Variants in MEI4 observed in about 807,000 individuals in gnomAD.
The protein encoded by MEI4 is meiotic double-stranded break formation protein 4, also known as meiosis-specific protein MEI4.
MEI4 carries 27 observed loss-of-function variants against 31.4 expected under a neutral mutation model. The ratio of observed to expected loss-of-function variants is 0.86; its 90% CI spans 0.63 to 1.19. The LOEUF (loss-of-function observed/expected upper bound fraction) is 1.19, where lower values mean the gene tolerates loss of function less well. Ranked by LOEUF, MEI4 falls within the 50% of genes most tolerant of loss-of-function variation. MEI4 has a pLI of 0.00. For missense variants in MEI4, 329 were observed against 398.9 expected (o/e 0.82, Z 1.49); for synonymous variants, 122 against 145.4 (o/e 0.84, Z 1.16).
At chr6:77,805,441 T>A (rs1167082747) in intron 3 of MEI4, among the ~76,000 whole-genome samples, 4 of 152,154 alleles carry the variant, frequency 2.6e-5, no homozygotes, top group Admixed American at 2.6e-4. Context: ...AAAAATCTTT[T>A]ATGTAAGATC....
At chr6:77,817,560 ATAAT>A (rs1341555330) in intron 3 of MEI4, among the ~76,000 whole-genome samples, 1 of 152,138 alleles carries the variant, frequency 6.6e-6, no homozygotes, top group Non-Finnish European at 1.5e-5. Context: ...CCACAAAGTG[ATAAT>A]TAATTTAGCC....
chr6:77,664,488 A>G (rs1178210928), intron 1 of MEI4, among the ~76,000 whole-genome samples: 1 of 152,192 alleles, frequency 6.6e-6, no homozygotes, highest in Non-Finnish European at 1.5e-5. Flanking sequence ...GGGGAGGGCT[A>G]GTCACGGAAC....
At chr6:77,753,741 C>T (rs766271550) in intron 2 of MEI4, among the ~76,000 whole-genome samples, 61 of 152,082 alleles carry the variant, frequency 4.0e-4, no homozygotes, top group Non-Finnish European at 7.5e-4. Context: ...CCCAGAAATC[C>T]CATTACTGAG....
intron 1 of MEI4, among the ~76,000 whole-genome samples, chr6:77,669,763 A>G (rs1339707442): frequency 1.3e-5 from 2 of 152,202 alleles, no homozygotes; most frequent in African/African-American, 2.4e-5. Flanking sequence ...GAATTATCTC[A>G]TTTAATCCTG....
intron 3 of MEI4, among the ~76,000 whole-genome samples, chr6:77,807,728 A>G (rs199575388): frequency 6.6e-6 from 1 of 152,158 alleles, no homozygotes; most frequent in East Asian, 1.9e-4. Context: ...GTTTTCCAAA[A>G]TGCACATGCC....
intron 4 of MEI4, among the ~76,000 whole-genome samples, chr6:77,917,827 C>T (rs1243638331): frequency 2.0e-5 from 3 of 149,924 alleles, no homozygotes; most frequent in Non-Finnish European, 4.4e-5. Context: ...GTGTTTTGGA[C>T]ATGAAGTCGT....
At chr6:77,803,223 C>G (rs1009791094) in intron 3 of MEI4, among the ~76,000 whole-genome samples, 5 of 152,154 alleles carry the variant, frequency 3.3e-5, no homozygotes, top group South Asian at 2.1e-4. Context: ...TCATTCATTT[C>G]ATCTTCCATC....
chr6:77,748,164 C>T (rs1249656968), intron 2 of MEI4, among the ~76,000 whole-genome samples: 1 of 152,202 alleles, frequency 6.6e-6, no homozygotes. Flanking sequence ...GCCCTCTTCT[C>T]TCAGCTTCAC....
At chr6:77,817,048 T>C (rs948812436) in intron 3 of MEI4, among the ~76,000 whole-genome samples, 1 of 151,808 alleles carries the variant, frequency 6.6e-6, no homozygotes, top group Non-Finnish European at 1.5e-5. Flanking sequence ...TGTGTTGTTT[T>C]TGTTTTTACT....
chr6:77,711,299 T>A (rs1766460075), intron 2 of MEI4, among the ~76,000 whole-genome samples: 1 of 152,312 alleles, frequency 6.6e-6, no homozygotes, highest in African/African-American at 2.4e-5. Flanking sequence ...TAGCTTGATT[T>A]AATTCTTTCA....
At chr6:77,828,103 G>A (rs1769997466) in intron 3 of MEI4, among the ~76,000 whole-genome samples, 1 of 152,032 alleles carries the variant, frequency 6.6e-6, no homozygotes, top group Admixed American at 6.6e-5. Flanking sequence ...CTTACTAGGT[G>A]CCTATCACTA....
At chr6:77,829,488 C>G (rs556396104) in intron 4 of MEI4, among the ~76,000 whole-genome samples, 2 of 152,188 alleles carry the variant, frequency 1.3e-5, no homozygotes, top group African/African-American at 4.8e-5. Flanking sequence ...ATCCTGTTGC[C>G]AAGTCATATG....
chr6:77,912,230 A>C (rs906244452), intron 4 of MEI4, among the ~76,000 whole-genome samples: 5 of 152,016 alleles, frequency 3.3e-5, no homozygotes, highest in African/African-American at 1.2e-4. Context: ...TTACTTAATC[A>C]TTGTAATATA....
At chr6:77,807,551 A>G (rs774026027) in intron 3 of MEI4, among the ~76,000 whole-genome samples, 1 of 152,162 alleles carries the variant, frequency 6.6e-6, no homozygotes, top group Non-Finnish European at 1.5e-5. Flanking sequence ...GAATATTTCA[A>G]GTAAAACCAA....
chr6:77,845,329 G>C lies in MEI4; in HGVS notation c.900+16267G>C, dbSNP rs554074775. On this transcript the variant is annotated intron_variant, in intron 4 of 4. Transcript: ENST00000684080. ...AAAGATAATCCTTATTTTTCAGAGA[G>C]TTCTCTTTCAATAATTTTATGTCTA... Among the ~76,000 whole-genome samples the C allele has an allele frequency of 2.0e-5, 3 of 152,192 alleles. No individual in the cohort carries two copies. In the South Asian group the frequency reaches 6.2e-4, roughly 32 times the overall value.
rs936118616 is a variant in MEI4 at position 77,872,239 on chromosome 6, T to A, written c.900+43177T>A. On this transcript the variant is annotated intron_variant, in intron 4 of 4. Coordinates refer to ENST00000684080, the MANE Select transcript of MEI4 (RefSeq NM_001322247.2). Reference sequence around the variant, plus strand: ...AAGAAATGTGACTCTATCGATGCCATGTATGTTACTGCTGGTCTTTTCTCA... The same window carrying A: ...AAGAAATGTGACTCTATCGATGCCAAGTATGTTACTGCTGGTCTTTTCTCA... 5.8e-4 allele frequency among the ~76,000 whole-genome samples: 89 copies of A among 152,270 alleles called. 1 individual carries two copies. Among genetic ancestry groups the A allele is most frequent in the African/African-American group, 2.0e-3 (85 of 41,568 alleles).
At chr6:77,745,638 A>T (rs1767576445) in intron 2 of MEI4, among the ~76,000 whole-genome samples, 1 of 152,038 alleles carries the variant, frequency 6.6e-6, no homozygotes, top group South Asian at 2.1e-4. Context: ...CATCTACAGA[A>T]CTCTCCACCC....
chr6:77,747,401 T>C (rs1055440320), intron 2 of MEI4, among the ~76,000 whole-genome samples: 1 of 152,088 alleles, frequency 6.6e-6, no homozygotes, highest in African/African-American at 2.4e-5. Context: ...CAGTTCCAAA[T>C]GGCTAGGGAG....
intron 3 of MEI4, among the ~76,000 whole-genome samples, chr6:77,774,367 T>C (rs1768387740): frequency 6.6e-6 from 1 of 152,074 alleles, no homozygotes; most frequent in Admixed American, 6.6e-5. Flanking sequence ...TGCAACGACA[T>C]TGATGGAACT....
Sources: gnomAD v4.1 joint callset for allele counts (sites outside exome capture counted in the v4.1 genomes callset) on GRCh38, gnomAD v4.1.1 for gene constraint, MANE v1.5 for transcripts, NCBI Gene and HGNC (gene_info 2026-07-23, HGNC 2026-07-21) for gene names.